Variants in RB1 observed in about 807,000 individuals in gnomAD.
The protein encoded by RB1 is RB transcriptional corepressor 1.
In RB1, 18 loss-of-function variants were observed where a neutral mutation model predicts 135.4. The observed-to-expected ratio is 0.13, with a 90% CI of 0.09 to 0.20. The LOEUF (loss-of-function observed/expected upper bound fraction) is 0.20, where lower values mean the gene tolerates loss of function less well. Among genes scored for constraint, RB1 ranks in the 10% least tolerant of loss-of-function variants. The probability of loss-of-function intolerance (pLI) is 1.00; values close to 1 mark genes in which losing one functional copy is unlikely to be tolerated. For synonymous variants in RB1, 365 were observed against 373.2 expected, an observed-to-expected ratio of 0.98 and a Z score of 0.25; for missense variants, 868 against 1,110.0, an observed-to-expected ratio of 0.78 and a Z score of 3.10.
rs538907264 is a variant in RB1, at chr13:48,395,332, G to A, written c.1695+13889G>A. Among the ~76,000 whole-genome samples the A allele has an allele frequency of 7.2e-5, 11 of 152,232 alleles. No individual in the cohort carries two copies. The East Asian group carries it at 7.7e-4, about 11-fold the overall frequency. ...GGCTGAAAATTCCAAAAACCAGAGCGCCTTTTCTCTTCCAAAGAATGACAA... is the reference window on the plus strand; with the variant it reads ...GGCTGAAAATTCCAAAAACCAGAGCACCTTTTCTCTTCCAAAGAATGACAA... On this transcript the variant is annotated intron_variant, in intron 17 of 26. Coordinates refer to ENST00000267163, the MANE Select transcript of RB1 (RefSeq NM_000321.3).
chr13:48,318,022 G>A, intron 2 of RB1: 1 of 507,418 alleles, frequency 2.0e-6, no homozygotes. Context: ...CGTCAGACAG[G>A]GAGCCGGGGC....
At chr13:48,388,845 G>A (rs1948591150) in intron 17 of RB1, among the ~76,000 whole-genome samples, 1 of 152,068 alleles carries the variant, frequency 6.6e-6, no homozygotes, top group Non-Finnish European at 1.5e-5. Context: ...AAGATAAGAA[G>A]AAAATCAGGA....
intron 7 of RB1, among the ~76,000 whole-genome samples, chr13:48,361,985 C>T (rs1166883575): frequency 2.9e-5 from 4 of 138,400 alleles, no homozygotes; most frequent in Non-Finnish European, 4.6e-5. Flanking sequence ...CTCACTCTGT[C>T]GCCCAGGCCT....
chr13:48,336,407 G>T (rs975967885), intron 2 of RB1, among the ~76,000 whole-genome samples: 5 of 152,180 alleles, frequency 3.3e-5, no homozygotes, highest in Non-Finnish European at 7.3e-5. Flanking sequence ...TCCTGATTTA[G>T]TCTTGGGAGG....
At chr13:48,363,795 C>T (rs1476891084) in intron 8 of RB1, among the ~76,000 whole-genome samples, 1 of 152,156 alleles carries the variant, frequency 6.6e-6, no homozygotes, top group Non-Finnish European at 1.5e-5. Context: ...TGTATTCAAT[C>T]TCCTTTTTAT....
chr13:48,375,563 AT>A, intron 12 of RB1, among the ~76,000 whole-genome samples: 1 of 150,346 alleles, frequency 6.7e-6, no homozygotes, highest in South Asian at 2.1e-4. Flanking sequence ...GAAAATTATA[AT>A]CTTATTTTTA....
chr13:48,331,152 C>T (rs771543459), intron 2 of RB1, among the ~76,000 whole-genome samples: 1 of 152,136 alleles, frequency 6.6e-6, no homozygotes, highest in Non-Finnish European at 1.5e-5. Context: ...AAAGGTTATA[C>T]GTGATAAGCC....
At chr13:48,453,157 T>C (rs1260652393) in intron 18 of RB1, 46 bp downstream of exon 18, 1 of 1,541,108 alleles carries the variant, frequency 6.5e-7, no homozygotes, top group African/African-American at 1.4e-5. Flanking sequence ...TGCAAATAGA[T>C]TTTAAGCATA....
intron 6 of RB1, among the ~76,000 whole-genome samples, chr13:48,351,679 A>G (rs1424545019): frequency 7.0e-6 from 1 of 142,454 alleles, no homozygotes; most frequent in Non-Finnish European, 1.5e-5. Flanking sequence ...TCTAGGATCT[A>G]TTTTTTTTTT....
At chr13:48,374,863 C>T (rs1952803420) in intron 12 of RB1, among the ~76,000 whole-genome samples, 1 of 151,954 alleles carries the variant, frequency 6.6e-6, no homozygotes, top group African/African-American at 2.4e-5. Context: ...CGCTCTCTTC[C>T]TTCCCTCCTC....
chr13:48,431,698 G>A (rs192113725), intron 17 of RB1, among the ~76,000 whole-genome samples: 3 of 152,244 alleles, frequency 2.0e-5, no homozygotes, highest in Admixed American at 6.5e-5. Flanking sequence ...ACCAAAGGAC[G>A]GCTTCTACAA....
intron 8 of RB1, 48 bp from the exon 9 acceptor site, chr13:48,364,846 A>T (rs1265027848): frequency 6.5e-7 from 1 of 1,537,316 alleles, no homozygotes; most frequent in Admixed American, 2.0e-5. Flanking sequence ...AAGAGATTAG[A>T]TTTTGTTTTA....
At chr13:48,444,550 T>G (rs1036612357) in intron 17 of RB1, 1 of 152,298 alleles carries the variant, frequency 6.6e-6, no homozygotes, top group African/African-American at 2.4e-5. Context: ...GAAACACACT[T>G]ACCGGTTTAT....
chr13:48,314,039 C>T (rs374005002), intron 2 of RB1, among the ~76,000 whole-genome samples: 17 of 152,180 alleles, frequency 1.1e-4, no homozygotes, highest in African/African-American at 2.9e-4. Context: ...TGAGCCACCG[C>T]GCCTGGCCGT....
At chr13:48,433,842 T>G (rs903057428) in intron 17 of RB1, among the ~76,000 whole-genome samples, 1 of 152,052 alleles carries the variant, frequency 6.6e-6, no homozygotes, top group African/African-American at 2.4e-5. Flanking sequence ...GAAGCATATC[T>G]TACAACTTTT....
chr13:48,321,888 A>G (rs995682746), intron 2 of RB1, among the ~76,000 whole-genome samples: 11 of 151,944 alleles, frequency 7.2e-5, no homozygotes, highest in African/African-American at 2.7e-4. Flanking sequence ...CCATTCATCT[A>G]GTTTGTCCAC....
At chr13:48,347,242 A>G (rs1952506766) in intron 4 of RB1, among the ~76,000 whole-genome samples, 1 of 152,134 alleles carries the variant, frequency 6.6e-6, no homozygotes, top group Non-Finnish European at 1.5e-5. Context: ...AATAGGGTTT[A>G]CAGGAAAAAT....
At chr13:48,433,681 C>CT (rs1418198452) in intron 17 of RB1, among the ~76,000 whole-genome samples, 1 of 30,036 alleles carries the variant, frequency 3.3e-5, no homozygotes, top group African/African-American at 5.2e-5. Context: ...AACAAAAATG[C>CT]ATTTTTTTTT....
At chr13:48,406,264 T>C (rs1566208464) in intron 17 of RB1, among the ~76,000 whole-genome samples, 1 of 152,138 alleles carries the variant, frequency 6.6e-6, no homozygotes, top group East Asian at 1.9e-4. Context: ...GTACTATTTT[T>C]CATTCCCACC....
Sources: allele counts gnomAD v4.1 joint callset (sites outside exome capture counted in the v4.1 genomes callset), GRCh38; gene constraint gnomAD v4.1.1; transcripts MANE v1.5; gene names NCBI Gene and HGNC (gene_info 2026-07-23, HGNC 2026-07-21).